Variants in CNTNAP5 observed in about 807,000 individuals in gnomAD.
CNTNAP5 encodes contactin associated protein family member 5, also known as contactin-associated protein-like 5.
CNTNAP5 carries 72 observed loss-of-function variants against 150.2 expected under a neutral mutation model. The ratio of observed to expected loss-of-function variants is 0.48; its 90% CI spans 0.40 to 0.58. CNTNAP5 has a LOEUF of 0.58. CNTNAP5 is among the 20% of genes least tolerant of loss of function. The pLI is 0.00. For missense variants in CNTNAP5, 1,636 were observed against 1,626.2 expected (o/e 1.01, Z -0.10); for synonymous variants, 672 against 619.8 (o/e 1.08, Z -1.25).
chr2:124,426,190 A>G (rs1692234814), intron 4 of CNTNAP5, among the ~76,000 whole-genome samples: 1 of 152,118 alleles, frequency 6.6e-6, no homozygotes, highest in African/African-American at 2.4e-5. Context: ...TCTTCTTGAA[A>G]CGCATCCTGT....
chr2:124,210,316 A>C (rs1298462902), intron 1 of CNTNAP5, among the ~76,000 whole-genome samples: 1 of 152,240 alleles, frequency 6.6e-6, no homozygotes, highest in East Asian at 1.9e-4. Flanking sequence ...ACCATTTATC[A>C]CCTCTTTTCT....
In CNTNAP5 at chr2:124,283,051, T is replaced by C. The variant is rs559028862; in HGVS notation, c.381+40658T>C. 2.8e-4 allele frequency among the ~76,000 whole-genome samples: 43 copies of C among 152,056 alleles called. No individual in the cohort carries two copies. In the Middle Eastern group the frequency reaches 0.01, roughly 36 times the overall value. ...CACCATGAAAACCATTCTCAGGATA[T>C]TCCTACCTTAACTTTGCTCTTGGCT... On this transcript the variant is annotated intron_variant, in intron 3 of 23. Coordinates refer to ENST00000682447, the MANE Select transcript of CNTNAP5 (RefSeq NM_001367498.1).
chr2:124,551,382 G>C (rs905582110), intron 10 of CNTNAP5, among the ~76,000 whole-genome samples: 2 of 152,046 alleles, frequency 1.3e-5, no homozygotes, highest in Non-Finnish European at 2.9e-5. Flanking sequence ...CCAACTGTGG[G>C]GGTAAAATGG....
At chr2:124,865,265 G>T in intron 19 of CNTNAP5, 41 bp from the exon 20 acceptor site, 1 of 1,510,238 alleles carries the variant, frequency 6.6e-7, no homozygotes, top group East Asian at 2.5e-5. Context: ...CATTTTATAG[G>T]TGCTGCTTTA....
intron 13 of CNTNAP5, among the ~76,000 whole-genome samples, chr2:124,743,896 G>C (rs1024439619): frequency 6.6e-6 from 1 of 152,024 alleles, no homozygotes. Flanking sequence ...TCTTTATGTT[G>C]TTCATTTACT....
intron 3 of CNTNAP5, among the ~76,000 whole-genome samples, chr2:124,352,579 T>C (rs944719866): frequency 3.9e-5 from 6 of 152,202 alleles, no homozygotes; most frequent in Admixed American, 6.5e-5. Context: ...ACATGACATT[T>C]CTCAGCTTCT....
intron 11 of CNTNAP5, among the ~76,000 whole-genome samples, chr2:124,569,035 G>A (rs1246157046): frequency 6.6e-6 from 1 of 152,048 alleles, no homozygotes; most frequent in Admixed American, 6.6e-5. Context: ...GCGACAGAGC[G>A]AGACTCTGTC....
intron 6 of CNTNAP5, among the ~76,000 whole-genome samples, chr2:124,460,668 A>C (rs1693225184): frequency 6.6e-6 from 1 of 152,176 alleles, no homozygotes; most frequent in African/African-American, 2.4e-5. Flanking sequence ...AATGATATTA[A>C]TCTGCATTCT....
intron 3 of CNTNAP5, among the ~76,000 whole-genome samples, chr2:124,281,935 G>A (rs1286660066): frequency 1.3e-5 from 2 of 151,998 alleles, no homozygotes; most frequent in Non-Finnish European, 2.9e-5. Flanking sequence ...GATTCCCGGC[G>A]GCATTTGTCT....
In CNTNAP5 at chr2:124,747,788, C is replaced by CTTTTTTT. The variant is rs34959025; in HGVS notation, c.2234+426_2234+432dup. On this transcript the variant is annotated intron_variant, in intron 14 of 23. Transcript: ENST00000682447. ...GCACATGCCACCACTCCTAACTCTT[C>CTTTTTTT]TTTTTTTTTTTTTTTTTTTTTTTTT... Among the ~76,000 whole-genome samples the CTTTTTTT allele has an allele frequency of 1.2e-3, 49 of 42,474 alleles. 5 individuals are homozygous for CTTTTTTT. Among genetic ancestry groups the CTTTTTTT allele is most frequent in the Non-Finnish European group, 1.8e-3 (39 of 22,120 alleles). 27.9% of individuals were successfully genotyped at this position (42,474 alleles called of 152,430 possible).
chr2:124,665,218 A>G (rs1024497093), intron 13 of CNTNAP5, among the ~76,000 whole-genome samples: 4 of 152,228 alleles, frequency 2.6e-5, no homozygotes, highest in African/African-American at 7.2e-5. Flanking sequence ...TATAAAGTGA[A>G]TCGTTCCTTA....
At chr2:124,538,522 A>G (rs1695296157) in intron 10 of CNTNAP5, among the ~76,000 whole-genome samples, 1 of 151,792 alleles carries the variant, frequency 6.6e-6, no homozygotes, top group Admixed American at 6.6e-5. Context: ...TCAGAAAAGA[A>G]AGAAAGAAGG....
intron 13 of CNTNAP5, among the ~76,000 whole-genome samples, chr2:124,729,009 GCT>G: frequency 6.6e-6 from 1 of 152,112 alleles, no homozygotes; most frequent in South Asian, 2.1e-4. Context: ...AGTATTTTAG[GCT>G]CTCAGGATGT....
At chr2:124,126,136 T>C (rs1203957285) in intron 1 of CNTNAP5, among the ~76,000 whole-genome samples, 1 of 152,070 alleles carries the variant, frequency 6.6e-6, no homozygotes, top group African/African-American at 2.4e-5. Context: ...GCTGGTTTTT[T>C]GAAAAGATCA....
intron 1 of CNTNAP5, among the ~76,000 whole-genome samples, chr2:124,198,694 T>C (rs1407900426): frequency 6.6e-6 from 1 of 152,170 alleles, no homozygotes. Context: ...AAATTCTCTG[T>C]ATTTTGCTTA....
chr2:124,462,904 G>T (rs574147494), intron 6 of CNTNAP5, among the ~76,000 whole-genome samples: 71 of 152,334 alleles, frequency 4.7e-4, no homozygotes, highest in African/African-American at 1.7e-3. Flanking sequence ...ACAGCTGCCT[G>T]TTGGCCACCC....
chr2:124,866,248 A>G (rs1677629821), intron 20 of CNTNAP5, among the ~76,000 whole-genome samples: 1 of 152,088 alleles, frequency 6.6e-6, no homozygotes, highest in Non-Finnish European at 1.5e-5. Flanking sequence ...AGACAGAGTG[A>G]CTCCATCTCA....
chr2:124,814,236 G>C (rs74730400), intron 19 of CNTNAP5, among the ~76,000 whole-genome samples: 1 of 148,860 alleles, frequency 6.7e-6, no homozygotes, highest in South Asian at 2.1e-4. Context: ...ACCTTTGCTC[G>C]AATCCTCTTT....
intron 1 of CNTNAP5, among the ~76,000 whole-genome samples, chr2:124,052,957 C>T (rs1681747688): frequency 1.3e-5 from 2 of 152,300 alleles, no homozygotes; most frequent in African/African-American, 4.8e-5. Flanking sequence ...ATTTATCCTT[C>T]AAGACATGGT....
Sources: gnomAD v4.1 joint callset for allele counts (sites outside exome capture counted in the v4.1 genomes callset) on GRCh38, gnomAD v4.1.1 for gene constraint, MANE v1.5 for transcripts, NCBI Gene and HGNC (gene_info 2026-07-23, HGNC 2026-07-21) for gene names.